The following CNTNAP3B variants were observed in gnomAD, a reference collection of about 807,000 sequenced individuals.
CNTNAP3B encodes contactin-associated protein-like 3B.
A neutral mutation model predicts 108.9 loss-of-function variants in CNTNAP3B; 25 were observed. That is an observed-to-expected ratio of 0.23 (90% CI 0.17 to 0.32). The LOEUF (loss-of-function observed/expected upper bound fraction) is 0.32. Ranked by LOEUF, CNTNAP3B falls within the 10% of genes least tolerant of loss-of-function variation. The probability of loss-of-function intolerance (pLI) is 1.00; values close to 1 mark genes in which losing one functional copy is unlikely to be tolerated. For synonymous variants in CNTNAP3B, 103 were observed against 473.4 expected, an observed-to-expected ratio of 0.22 and a Z score of 10.16; for missense variants, 252 against 1,210.4, an observed-to-expected ratio of 0.21 and a Z score of 11.75.
At chr9:41,942,189 C>T (rs1185001262) in intron 13 of CNTNAP3B, among the ~76,000 whole-genome samples, 5 of 152,404 alleles carry the variant, frequency 3.3e-5, no homozygotes, top group East Asian at 3.9e-4. Flanking sequence ...GTACAGGATG[C>T]TTCTGGCCGG....
intron 2 of CNTNAP3B, among the ~76,000 whole-genome samples, chr9:42,086,486 T>A (rs1362803128): frequency 7.1e-6 from 1 of 140,356 alleles, no homozygotes; most frequent in Non-Finnish European, 1.5e-5. Context: ...CTCGCTCTGT[T>A]GCCCAGGCCA....
chr9:42,053,922 ACT>A (rs1432985177), intron 3 of CNTNAP3B, among the ~76,000 whole-genome samples: 30 of 150,552 alleles, frequency 2.0e-4, no homozygotes, highest in Non-Finnish European at 3.5e-4. Flanking sequence ...ACCATGGCAG[ACT>A]TGTATTGATG....
chr9:42,057,468 G>C (rs1213696724), intron 3 of CNTNAP3B, among the ~76,000 whole-genome samples: 1 of 121,602 alleles, frequency 8.2e-6, no homozygotes, highest in East Asian at 2.8e-4. Flanking sequence ...GCCTCTCAAA[G>C]TGCTGGAATT....
intron 2 of CNTNAP3B, among the ~76,000 whole-genome samples, chr9:42,098,391 G>A (rs1336858951): frequency 1.9e-5 from 2 of 107,054 alleles, no homozygotes; most frequent in Non-Finnish European, 3.7e-5. Flanking sequence ...GGCTAACATG[G>A]TGAAACCCCT....
chr9:41,926,414 G>A (rs1305493519), intron 15 of CNTNAP3B, among the ~76,000 whole-genome samples: 1 of 152,302 alleles, frequency 6.6e-6, no homozygotes. Flanking sequence ...GAAGCTACAA[G>A]TTTTACAGAA....
At position 42,075,358 on chromosome 9, in the gene CNTNAP3B, A is replaced by G. The variant is rs558830000; in HGVS notation, c.390+1511T>C. Among the ~76,000 whole-genome samples, 588 of 141,674 alleles carry G rather than the reference A, an allele frequency of 4.2e-3. 12 individuals are homozygous for G. The highest frequency in any genetic ancestry group is 0.032 in the Admixed American group (457 of 14,308). 92.9% of individuals were successfully genotyped at this position (141,674 alleles called of 152,430 possible). On this transcript the variant is annotated intron_variant, in intron 3 of 23. Transcript: ENST00000377561. ...AATCCAGGATAGAGATGCAGGGATGAAAGGCAGGCACAGTGACTTTGAAAG... is the reference window on the plus strand; with the variant it reads ...AATCCAGGATAGAGATGCAGGGATGGAAGGCAGGCACAGTGACTTTGAAAG...
At position 42,126,379 on chromosome 9, in the gene CNTNAP3B, T is replaced by C. The variant is rs2572464; in HGVS notation, c.85+2631A>G. On this transcript the variant is annotated intron_variant, in intron 1 of 23. Transcript: ENST00000377561. ...TCAATCTTTCTCTTGATGCTTCCTG[T>C]TGTTTTCAGGGACTCAATGAGAGCA... Among the ~76,000 whole-genome samples, 156 of 120,826 alleles carry C rather than the reference T, an allele frequency of 1.3e-3. 3 individuals are homozygous for C. The highest frequency in any genetic ancestry group is 1.6e-3 in the Non-Finnish European group (93 of 57,870). 79.3% of individuals were successfully genotyped at this position (120,826 alleles called of 152,430 possible).
At chr9:42,055,154 G>A (rs1007065732) in intron 3 of CNTNAP3B, among the ~76,000 whole-genome samples, 3 of 138,820 alleles carry the variant, frequency 2.2e-5, no homozygotes, top group Non-Finnish European at 3.1e-5. Flanking sequence ...GTTTTTAATT[G>A]AAAAGCCATA....
chr9:42,029,548 T>TTC (rs1826474725), intron 3 of CNTNAP3B, among the ~76,000 whole-genome samples: 1 of 124,668 alleles, frequency 8.0e-6, no homozygotes, highest in Non-Finnish European at 1.7e-5. Context: ...TTTTTTTTTT[T>TTC]CAGATGGAGT....
intron 1 of CNTNAP3B, among the ~76,000 whole-genome samples, chr9:42,121,621 A>G (rs1429047887): frequency 7.1e-6 from 1 of 140,198 alleles, no homozygotes; most frequent in Non-Finnish European, 1.5e-5. Context: ...TGAGGACAGT[A>G]GAATCAACTG....
At chr9:42,121,141 A>G (rs1461761353) in intron 1 of CNTNAP3B, among the ~76,000 whole-genome samples, 1 of 138,334 alleles carries the variant, frequency 7.2e-6, no homozygotes, top group Non-Finnish European at 1.5e-5. Context: ...GACAGGACTC[A>G]GGATAAATGC....
chr9:41,950,131 A>G (rs907760312), intron 13 of CNTNAP3B, among the ~76,000 whole-genome samples: 1 of 104,596 alleles, frequency 9.6e-6, no homozygotes, highest in East Asian at 3.3e-4. Flanking sequence ...GCAAATAAGC[A>G]TATAAAACAT....
chr9:41,999,619 C>G (rs1366718493), intron 4 of CNTNAP3B, among the ~76,000 whole-genome samples: 1 of 107,056 alleles, frequency 9.3e-6, no homozygotes, highest in Non-Finnish European at 1.9e-5. Flanking sequence ...CCCTGACTGA[C>G]AAAGGCACAG....
chr9:42,112,159 T>C (rs1828204473), intron 1 of CNTNAP3B, among the ~76,000 whole-genome samples: 1 of 139,994 alleles, frequency 7.1e-6, no homozygotes, highest in Admixed American at 7.1e-5. Flanking sequence ...GCACCAATGC[T>C]CCTTGACCGC....
intron 9 of CNTNAP3B, chr9:41,975,130 A>G (rs62556373): frequency 0.018 from 3,486 of 190,036 alleles, 380 homozygotes; most frequent in East Asian, 0.061. Flanking sequence ...CTCGGGGAGC[A>G]CCTGCAGGGG....
chr9:42,051,976 C>T (rs1826973437), intron 3 of CNTNAP3B, among the ~76,000 whole-genome samples: 1 of 151,360 alleles, frequency 6.6e-6, no homozygotes, highest in South Asian at 2.1e-4. Context: ...AAAAGAATGA[C>T]ATGGTGTCTT....
At chr9:42,043,124 A>G (rs1826798948) in intron 3 of CNTNAP3B, among the ~76,000 whole-genome samples, 1 of 137,704 alleles carries the variant, frequency 7.3e-6, no homozygotes, top group East Asian at 2.2e-4. Flanking sequence ...TTTGTCTGAA[A>G]TGCATGATTC....
At chr9:42,115,547 CATTCTGCAATATTTGCT>C (rs1828296215) in intron 1 of CNTNAP3B, among the ~76,000 whole-genome samples, 1 of 137,524 alleles carries the variant, frequency 7.3e-6, no homozygotes, top group South Asian at 2.4e-4. Flanking sequence ...CAACATTTGC[CATTCTGCAATATTTGCT>C]GTTCTGCAGC....
At chr9:41,916,739 G>A (rs796565129) in intron 18 of CNTNAP3B, among the ~76,000 whole-genome samples, 1,497 of 124,302 alleles carry the variant, frequency 0.012, no homozygotes, top group East Asian at 0.018. Flanking sequence ...CACTCTTCTA[G>A]TTATTTTGAA....
Sources: gnomAD v4.1 joint callset for allele counts (sites outside exome capture counted in the v4.1 genomes callset) on GRCh38, gnomAD v4.1.1 for gene constraint, MANE v1.5 for transcripts, NCBI Gene and HGNC (gene_info 2026-07-23, HGNC 2026-07-21) for gene names.